Variants in RGS7 observed in about 807,000 individuals in gnomAD.
The protein encoded by RGS7 is regulator of G-protein signaling 7.
A neutral mutation model predicts 81.1 loss-of-function variants in RGS7; 27 were observed. That is an observed-to-expected ratio of 0.33 (90% CI 0.25 to 0.46). The LOEUF is 0.46. RGS7 is among the 20% of genes least tolerant of loss of function. RGS7 has a pLI of 1.00. For missense variants in RGS7, 396 were observed against 607.4 expected, an observed-to-expected ratio of 0.65 and a Z score of 3.66; for synonymous variants, 208 against 207.7, an observed-to-expected ratio of 1.00 and a Z score of -0.01.
intron 3 of RGS7, among the ~76,000 whole-genome samples, chr1:241,002,470 T>G (rs2148634055): frequency 1.4e-5 from 2 of 143,410 alleles, no homozygotes; most frequent in African/African-American, 5.1e-5. Flanking sequence ...AAAAAAAAAA[T>G]GGTACCACAC....
intron 2 of RGS7, among the ~76,000 whole-genome samples, chr1:241,112,556 T>C (rs2065592782): frequency 6.6e-6 from 1 of 152,242 alleles, no homozygotes; most frequent in East Asian, 1.9e-4. Context: ...TAAAACTAAA[T>C]ATAAGTATGG....
chr1:241,137,501 C>T (rs973442521), intron 2 of RGS7, among the ~76,000 whole-genome samples: 16 of 151,938 alleles, frequency 1.1e-4, no homozygotes, highest in Non-Finnish European at 2.2e-4. Context: ...ACTTTGAGCC[C>T]CCAAATTTTA....
chr1:241,012,228 C>G (rs915780194), intron 3 of RGS7, among the ~76,000 whole-genome samples: 1 of 152,086 alleles, frequency 6.6e-6, no homozygotes, highest in African/African-American at 2.4e-5. Flanking sequence ...GAGGGCAACA[C>G]GCAGATACAC....
In RGS7 at chr1:240,944,859, A is replaced by C. The variant is rs1029242102; in HGVS notation, c.227-8153T>G. 6.1e-4 allele frequency among the ~76,000 whole-genome samples: 93 copies of C among 152,324 alleles called. 1 individual carries two copies. Among genetic ancestry groups the C allele is most frequent in the Non-Finnish European group, 1.2e-3 (80 of 68,040 alleles). ...CTCTCAAGTAGCTGGGACTACAGGC[A>C]TGCGCCACCACGCCCGGCTAATTTT... On this transcript the variant is annotated intron_variant, in intron 4 of 18. Transcript: ENST00000440928.
intron 9 of RGS7, among the ~76,000 whole-genome samples, chr1:240,828,900 C>T (rs1438793194): frequency 3.3e-5 from 5 of 152,140 alleles, no homozygotes; most frequent in African/African-American, 7.2e-5. Flanking sequence ...AGAAGTGACT[C>T]CAGAGAAACT....
chr1:241,066,956 C>A (rs2148852896), intron 3 of RGS7, among the ~76,000 whole-genome samples: 1 of 152,260 alleles, frequency 6.6e-6, no homozygotes, highest in South Asian at 2.1e-4. Context: ...CCCTCTGGGC[C>A]TGAAATACAG....
At chr1:240,895,622 C>G (rs375940387) in intron 6 of RGS7, among the ~76,000 whole-genome samples, 1 of 152,126 alleles carries the variant, frequency 6.6e-6, no homozygotes, top group Non-Finnish European at 1.5e-5. Context: ...TGAACTCATC[C>G]TTTTTTATGG....
At chr1:241,221,889 T>TTCTC (rs113169736) in intron 2 of RGS7, among the ~76,000 whole-genome samples, 1 of 150,584 alleles carries the variant, frequency 6.6e-6, no homozygotes. Context: ...TTTCTTTCCT[T>TTCTC]TCTCTCTCTC....
chr1:240,944,733 G>C (rs934709886), intron 4 of RGS7, among the ~76,000 whole-genome samples: 2 of 152,134 alleles, frequency 1.3e-5, no homozygotes, highest in African/African-American at 4.8e-5. Flanking sequence ...CTTTTGTTTT[G>C]AGATGGAGTC....
chr1:241,356,763 C>G (rs1367251642), intron 1 of RGS7, 136 bp downstream of exon 1: 1 of 149,392 alleles, frequency 6.7e-6, no homozygotes, highest in Admixed American at 6.7e-5. Context: ...AGCCCAGCCC[C>G]GGCGCGGGGC....
chr1:240,997,680 T>A (rs567145420), intron 3 of RGS7, among the ~76,000 whole-genome samples: 1 of 152,084 alleles, frequency 6.6e-6, no homozygotes, highest in Admixed American at 6.6e-5. Context: ...CAAAAATTAG[T>A]CGAGAAGGGG....
chr1:240,808,045 A>T (rs934104741), intron 14 of RGS7, among the ~76,000 whole-genome samples: 2 of 151,958 alleles, frequency 1.3e-5, no homozygotes, highest in Non-Finnish European at 2.9e-5. Flanking sequence ...CAAAAAAAAA[A>T]AAAAAAAAAG....
rs780101969 is a variant in RGS7, at chr1:240,983,121, T to A, written c.184A>T (p.Ile62Phe). 1.3e-6 allele frequency: 2 copies of A among 1,516,468 alleles called. No individual in the cohort carries two copies. Among genetic ancestry groups the A allele is most frequent in the South Asian group, 2.3e-5 (2 of 85,118 alleles). 93.9% of individuals were successfully genotyped at this position (1,516,468 alleles called of 1,614,324 possible). The change falls in exon 4 of 19, where the codon ATT becomes TTT. Residue 62 changes from isoleucine (I) to phenylalanine (F), a missense_variant. Transcript: ENST00000440928. ...KIPSVFSGSD[I>F]VQWLIKNLTI... ...AAGTTCTTTATCAACCATTGAACAA[T>A]GTCTGAACCTAGAAAAAGAAAAAAG...
intron 9 of RGS7, among the ~76,000 whole-genome samples, chr1:240,836,326 G>T (rs1003719811): frequency 3.3e-5 from 5 of 152,134 alleles, no homozygotes; most frequent in Admixed American, 6.5e-5. Flanking sequence ...GGATTATCAG[G>T]GTGGGAACAG....
intron 4 of RGS7, among the ~76,000 whole-genome samples, chr1:240,970,553 G>A (rs918041515): frequency 6.6e-6 from 1 of 152,166 alleles, no homozygotes; most frequent in African/African-American, 2.4e-5. Context: ...TGGATGTGAC[G>A]GGACTGCACT....
At position 240,816,401 on chromosome 1, in the gene RGS7, T is replaced by C; in HGVS notation, c.699A>G (p.Leu233=). ...PHKTRKSVYG[L]QNDIRSHSPT... is the part of the protein sequence containing the mutation. ...GACTGTGACTTCTAATATCATTTTG[T>C]AAACCATAGACAGACTATATTAAAA... is the stretch of plus-strand genomic sequence containing the variant. Residue 233 remains leucine (L), a synonymous_variant, in exon 11 of 19, where the codon TTA becomes TTG. Transcript: ENST00000440928. 6.3e-7 allele frequency: 1 copy of C among 1,597,106 alleles called. No individual in the cohort carries two copies. The highest frequency in any genetic ancestry group is 8.6e-7 in the Non-Finnish European group (1 of 1,164,602).
chr1:241,106,229 G>A (rs1467528876), intron 2 of RGS7, among the ~76,000 whole-genome samples: 1 of 152,108 alleles, frequency 6.6e-6, no homozygotes, highest in South Asian at 2.1e-4. Flanking sequence ...AATTAAAGCT[G>A]CTTCTAATTG....
chr1:241,136,952 GGATGATGCCTACT>G (rs1306519497), intron 2 of RGS7, among the ~76,000 whole-genome samples: 3 of 152,126 alleles, frequency 2.0e-5, no homozygotes, highest in Non-Finnish European at 2.9e-5. Context: ...CATCATCATT[GGATGATGCCTACT>G]GAAGCAAACG....
intron 2 of RGS7, among the ~76,000 whole-genome samples, chr1:241,136,824 G>A (rs899221828): frequency 3.3e-5 from 5 of 152,110 alleles, no homozygotes; most frequent in African/African-American, 9.7e-5. Flanking sequence ...ATGCTTTGGC[G>A]TCCAGGCTAT....
Sources: gnomAD v4.1 joint callset for allele counts (sites outside exome capture counted in the v4.1 genomes callset) on GRCh38, gnomAD v4.1.1 for gene constraint, MANE v1.5 for transcripts, NCBI Gene and HGNC (gene_info 2026-07-23, HGNC 2026-07-21) for gene names.